Variants in MCF2L2 observed in about 807,000 individuals in gnomAD.
The protein encoded by MCF2L2 is MCF.2 cell line derived transforming sequence-like 2, also known as probable guanine nucleotide exchange factor MCF2L2.
Under a neutral mutation model 150.2 loss-of-function variants are expected in MCF2L2, and 102 were observed. The ratio of observed to expected loss-of-function variants is 0.68; its 90% CI spans 0.58 to 0.80. The LOEUF is 0.80. Among genes scored for constraint, MCF2L2 ranks in the 30% least tolerant of loss-of-function variants. The pLI is 0.00. For synonymous variants in MCF2L2, 465 were observed against 491.3 expected (o/e 0.95, Z 0.71); for missense variants, 1,256 against 1,372.8 (o/e 0.91, Z 1.34).
intron 10 of MCF2L2, among the ~76,000 whole-genome samples, chr3:183,304,086 C>G (rs2108502188): frequency 6.6e-6 from 1 of 152,290 alleles, no homozygotes; most frequent in East Asian, 1.9e-4. Flanking sequence ...TCCTCTGGGG[C>G]CAACTCGATC....
At chr3:183,246,670 G>C (rs761962925) in intron 15 of MCF2L2, among the ~76,000 whole-genome samples, 15 of 152,160 alleles carry the variant, frequency 9.9e-5, no homozygotes, top group Non-Finnish European at 2.9e-5. Context: ...GTACCTGTCT[G>C]AGTCTCTGCT....
intron 7 of MCF2L2, among the ~76,000 whole-genome samples, chr3:183,312,337 C>T (rs867941378): frequency 2.0e-5 from 3 of 152,194 alleles, no homozygotes; most frequent in African/African-American, 7.2e-5. Flanking sequence ...GCCAACCCCC[C>T]ATTCTACTCT....
intron 15 of MCF2L2, among the ~76,000 whole-genome samples, chr3:183,245,719 G>A (rs1724221867): frequency 6.6e-6 from 1 of 152,040 alleles, no homozygotes; most frequent in African/African-American, 2.4e-5. Flanking sequence ...TAAATTCCTA[G>A]AACTGTTAAT....
At chr3:183,266,614 A>G (rs1348157656) in intron 15 of MCF2L2, among the ~76,000 whole-genome samples, 1 of 152,186 alleles carries the variant, frequency 6.6e-6, no homozygotes, top group Non-Finnish European at 1.5e-5. Flanking sequence ...AACTGAGAGA[A>G]AGTGGGCCCC....
At chr3:183,369,408 C>T (rs1712728625) in intron 3 of MCF2L2, among the ~76,000 whole-genome samples, 1 of 152,206 alleles carries the variant, frequency 6.6e-6, no homozygotes, top group African/African-American at 2.4e-5. Flanking sequence ...TAAGGGTTTT[C>T]ATGTCTTCTG....
Position 183,205,951 on chromosome 3 carries a change from C to G in MCF2L2, c.2809G>C (p.Ala937Pro), listed in dbSNP as rs763021059. The change falls in exon 25 of 30, where the codon GCT becomes CCT. Residue 937 changes from alanine to proline, a missense_variant. Coordinates refer to ENST00000328913, the MANE Select transcript of MCF2L2 (RefSeq NM_015078.4). ...CAACAGTCTCTGATTTCTTTTGAAGCTGCCTGCAATCACACATAAGAAAAC... is the reference window on the plus strand; with the variant it reads ...CAACAGTCTCTGATTTCTTTTGAAGGTGCCTGCAATCACACATAAGAAAAC... ...NGLEKYILQA[A>P]SKEIRDCWFS... 2 of 1,613,396 alleles carry G rather than the reference C, an allele frequency of 1.2e-6. No homozygotes were observed. Among genetic ancestry groups the G allele is most frequent in the Admixed American group, 3.3e-5 (2 of 60,006 alleles).
intron 15 of MCF2L2, among the ~76,000 whole-genome samples, chr3:183,250,813 G>A (rs1176762691): frequency 6.6e-6 from 1 of 152,178 alleles, no homozygotes; most frequent in African/African-American, 2.4e-5. Context: ...GTGAAACACA[G>A]CAGATCCTTT....
intron 13 of MCF2L2, among the ~76,000 whole-genome samples, chr3:183,295,007 C>G (rs1728412445): frequency 6.6e-6 from 1 of 152,270 alleles, no homozygotes; most frequent in South Asian, 2.1e-4. Flanking sequence ...AGATAATCCA[C>G]CCGCCACGGC....
chr3:183,383,244 T>A (rs1713638054), intron 2 of MCF2L2, among the ~76,000 whole-genome samples: 1 of 152,002 alleles, frequency 6.6e-6, no homozygotes, highest in African/African-American at 2.4e-5. Context: ...TTTATTTATT[T>A]ATTTTTTGAG....
intron 20 of MCF2L2, among the ~76,000 whole-genome samples, chr3:183,221,120 C>T (rs6803368): frequency 0.021 from 3,170 of 152,248 alleles, 97 homozygotes; most frequent in African/African-American, 0.071. Context: ...ATTACAAGGT[C>T]GTTCCTTTCT....
At chr3:183,193,874 T>C (rs945984412) in intron 26 of MCF2L2, among the ~76,000 whole-genome samples, 3 of 152,196 alleles carry the variant, frequency 2.0e-5, no homozygotes, top group African/African-American at 7.2e-5. Context: ...CAGAGTGGTT[T>C]GCTGGCCTCA....
chr3:183,297,646 T>TTCCTTCCTCCCTC (rs1728598819), intron 11 of MCF2L2: 1 of 104,268 alleles, frequency 9.6e-6, no homozygotes, highest in African/African-American at 4.4e-5. Context: ...CTTCCTCCCT[T>TTCCTTCCTCCCTC]CCTTCCTTCC....
At chr3:183,317,824 C>A (rs973506930) in intron 7 of MCF2L2, among the ~76,000 whole-genome samples, 3 of 152,138 alleles carry the variant, frequency 2.0e-5, no homozygotes, top group Non-Finnish European at 4.4e-5. Flanking sequence ...CTTCACTCAC[C>A]ACCCAGTCTC....
chr3:183,225,361 G>C (rs1723306547), intron 18 of MCF2L2: 1 of 152,192 alleles, frequency 6.6e-6, no homozygotes, highest in African/African-American at 2.4e-5. Context: ...TAATAACTCA[G>C]AGCTTAACAA....
At position 183,308,609 on chromosome 3, in the gene MCF2L2, G is replaced by A. The variant is rs146216777; in HGVS notation, c.1113+1107C>T. 6.0e-3 allele frequency among the ~76,000 whole-genome samples: 919 copies of A among 152,238 alleles called. 10 individuals are homozygous for A. The highest frequency in any genetic ancestry group is 0.019 in the African/African-American group (779 of 41,550). On this transcript the variant is annotated intron_variant, in intron 10 of 29. Transcript: ENST00000328913. ...GCTGGGTTTGTGTGTTCATGCATGT[G>A]CACAAGCACCTGCAGCTCAGAATCT...
At chr3:183,356,506 C>T (rs1049044157) in intron 3 of MCF2L2, among the ~76,000 whole-genome samples, 1 of 152,124 alleles carries the variant, frequency 6.6e-6, no homozygotes, top group East Asian at 1.9e-4. Flanking sequence ...AGCAAGACTC[C>T]GTCTCAAAAT....
intron 1 of MCF2L2, among the ~76,000 whole-genome samples, chr3:183,392,683 CCT>C (rs1714225751): frequency 6.6e-6 from 1 of 152,190 alleles, no homozygotes; most frequent in South Asian, 2.1e-4. Flanking sequence ...CCAGACTCAT[CCT>C]CTGACTCGGC....
intron 4 of MCF2L2, among the ~76,000 whole-genome samples, chr3:183,341,051 T>C (rs544557804): frequency 1.3e-5 from 2 of 152,308 alleles, no homozygotes; most frequent in South Asian, 4.1e-4. Flanking sequence ...GGGAAGTGAT[T>C]CCAGGAAGCA....
At chr3:183,389,984 G>A (rs6798003) in intron 1 of MCF2L2, among the ~76,000 whole-genome samples, 124,169 of 152,122 alleles carry the variant, frequency 0.82, 50,816 homozygotes, top group Non-Finnish European at 0.85. Context: ...GCATCTGAGC[G>A]TGGAACACAT....
Sources: allele counts gnomAD v4.1 joint callset (sites outside exome capture counted in the v4.1 genomes callset), GRCh38; gene constraint gnomAD v4.1.1; transcripts MANE v1.5; gene names NCBI Gene and HGNC (gene_info 2026-07-23, HGNC 2026-07-21).